MAN1A1: variants seen among roughly 807,000 people sequenced by gnomAD.
The protein encoded by MAN1A1 is mannosidase alpha class 1A member 1.
In MAN1A1, 29 loss-of-function variants were observed where a neutral mutation model predicts 70.8. That is an observed-to-expected ratio of 0.41 (90% CI 0.31 to 0.56). The LOEUF (loss-of-function observed/expected upper bound fraction) is 0.56. MAN1A1 is among the 20% of genes least tolerant of loss of function. The probability of loss-of-function intolerance (pLI) is 0.29; values close to 1 mark genes in which losing one functional copy is unlikely to be tolerated. For synonymous variants in MAN1A1, 349 were observed against 330.1 expected (o/e 1.06, Z -0.62); for missense variants, 747 against 841.3 (o/e 0.89, Z 1.39).
chr6:119,341,844 G>C (rs543571021), intron 2 of MAN1A1, among the ~76,000 whole-genome samples: 27 of 152,276 alleles, frequency 1.8e-4, no homozygotes, highest in African/African-American at 4.8e-4. Flanking sequence ...GCCAAGGCAT[G>C]GTGGCTCACA....
chr6:119,302,029 C>T lies in MAN1A1; in HGVS notation c.775G>A (p.Glu259Lys), dbSNP rs915196639. The change falls in exon 4 of 13, where the codon GAA (glutamate) becomes AAA (lysine). Residue 259 changes from glutamate (E) to lysine (K), a missense_variant. Physicochemically the swap from Glu to Lys is moderately conservative, Grantham distance 56. This residue lies in a region of MAN1A1 where 419 missense variants were observed against 548.2 expected (regional missense o/e 0.76). Coordinates refer to ENST00000368468, the MANE Select transcript of MAN1A1 (RefSeq NM_005907.4). The stretch of plus-strand genomic sequence containing the variant: ...TTTTCTTCAACCCATGATTTTGCTT[C>T]TTCAAATTCATGTTTCATTTCCATA... ...FIMEMKHEFE[E>K]AKSWVEENLD... 39 of 1,608,866 alleles carry T rather than the reference C, an allele frequency of 2.4e-5. No homozygotes were observed. The highest frequency in any genetic ancestry group is 3.1e-5 in the Non-Finnish European group (37 of 1,176,212).
At chr6:119,203,727 C>T (rs1773780194) in intron 7 of MAN1A1, among the ~76,000 whole-genome samples, 1 of 151,974 alleles carries the variant, frequency 6.6e-6, no homozygotes, top group Non-Finnish European at 1.5e-5. Context: ...ATGTCATTTA[C>T]CAAGATAGCA....
chr6:119,331,389 G>T (rs1023604225), intron 2 of MAN1A1, among the ~76,000 whole-genome samples: 2 of 151,596 alleles, frequency 1.3e-5, no homozygotes, highest in African/African-American at 4.8e-5. Context: ...TAAACTTTAG[G>T]AGTCATAGTT....
chr6:119,284,424 G>A (rs1776305765), intron 5 of MAN1A1, among the ~76,000 whole-genome samples: 1 of 152,096 alleles, frequency 6.6e-6, no homozygotes, highest in Admixed American at 6.5e-5. Flanking sequence ...TGAAAAACAT[G>A]GTTCTTACTG....
chr6:119,247,159 ATAAT>A (rs1775189364), intron 6 of MAN1A1, among the ~76,000 whole-genome samples: 1 of 152,236 alleles, frequency 6.6e-6, no homozygotes. Flanking sequence ...ACTAAAATAA[ATAAT>A]TAGGAAGAAA....
intron 2 of MAN1A1, among the ~76,000 whole-genome samples, chr6:119,310,061 T>C (rs963532254): frequency 1.3e-5 from 2 of 152,220 alleles, no homozygotes; most frequent in African/African-American, 2.4e-5. Context: ...ACTCAGTAAA[T>C]GTTTGTGAAT....
At chr6:119,248,190 TGTA>T in intron 6 of MAN1A1, 67 bp downstream of exon 6, 1 of 1,003,582 alleles carries the variant, frequency 1.0e-6, no homozygotes, top group Non-Finnish European at 1.6e-6. Flanking sequence ...ATCTATCTAA[TGTA>T]TACTTATTAG....
At chr6:119,249,888 A>G (rs1436648665) in intron 5 of MAN1A1, among the ~76,000 whole-genome samples, 1 of 152,224 alleles carries the variant, frequency 6.6e-6, no homozygotes, top group Non-Finnish European at 1.5e-5. Flanking sequence ...TAGTAGTGGA[A>G]GTCAATAAAG....
At chr6:119,203,063 G>A (rs564398031) in intron 7 of MAN1A1, among the ~76,000 whole-genome samples, 23 of 152,106 alleles carry the variant, frequency 1.5e-4, no homozygotes, top group Non-Finnish European at 2.8e-4. Flanking sequence ...GACAGTTCTC[G>A]TCATCTACAA....
chr6:119,222,780 A>G (rs1774399811), intron 6 of MAN1A1, among the ~76,000 whole-genome samples: 2 of 152,228 alleles, frequency 1.3e-5, no homozygotes, highest in Non-Finnish European at 2.9e-5. Flanking sequence ...ATCACAGCTG[A>G]AATCCTGGGC....
intron 5 of MAN1A1, 87 bp downstream of exon 5, chr6:119,290,595 TA>T: frequency 1.2e-6 from 1 of 859,832 alleles, no homozygotes; most frequent in Non-Finnish European, 1.9e-6. Context: ...AGATTCCTTC[TA>T]AATATATGTC....
rs900731297 is a variant in MAN1A1 at position 119,308,152 on chromosome 6, A to G, written c.604-1160T>C. Among the ~76,000 whole-genome samples the G allele has an allele frequency of 4.6e-5, 7 of 152,308 alleles. No individual in the cohort carries two copies. In the East Asian group the frequency reaches 1.3e-3, roughly 29 times the overall value. On this transcript the variant is annotated intron_variant, in intron 2 of 12. Transcript: ENST00000368468. ...TATTACCATTGTTAGGGAGATGAAG[A>G]AACTGAGGTTTGGAAGTTAAAAAAC...
chr6:119,256,427 T>TC (rs34974635), intron 5 of MAN1A1, among the ~76,000 whole-genome samples: 1 of 151,658 alleles, frequency 6.6e-6, no homozygotes, highest in Non-Finnish European at 1.5e-5. Flanking sequence ...TTTTTTTTTT[T>TC]CATGAGAGAG....
chr6:119,234,808 T>TA (rs368706802), intron 6 of MAN1A1, among the ~76,000 whole-genome samples: 1 of 152,346 alleles, frequency 6.6e-6, no homozygotes, highest in African/African-American at 2.4e-5. Context: ...ACTTCACAGA[T>TA]ACTGTGTTTT....
chr6:119,253,176 G>T (rs546306986), intron 5 of MAN1A1, among the ~76,000 whole-genome samples: 1 of 152,120 alleles, frequency 6.6e-6, no homozygotes, highest in South Asian at 2.1e-4. Context: ...TGGATGGACC[G>T]AGAAGAACCT....
intron 6 of MAN1A1, among the ~76,000 whole-genome samples, chr6:119,227,225 G>A (rs904110463): frequency 9.8e-5 from 15 of 152,286 alleles, no homozygotes; most frequent in African/African-American, 3.6e-4. Context: ...CAAAACTAAT[G>A]TATACTGACA....
intron 2 of MAN1A1, among the ~76,000 whole-genome samples, chr6:119,331,545 C>T (rs1199211540): frequency 1.4e-5 from 2 of 139,048 alleles, no homozygotes; most frequent in Non-Finnish European, 3.1e-5. Context: ...ATTATATACA[C>T]GCACATAACC....
chr6:119,325,785 A>G lies in MAN1A1; in HGVS notation c.604-18793T>C, dbSNP rs2114483720. Among the ~76,000 whole-genome samples the G allele has an allele frequency of 1.3e-5, 2 of 152,358 alleles. 1 individual carries two copies. Among genetic ancestry groups the G allele is most frequent in the African/African-American group, 4.8e-5 (2 of 41,594 alleles). ...TGTCAAAGGCTTCAACAAAAGTCCT[A>G]AGAAAAAAATGGAATATTCTTCCTA... On this transcript the variant is annotated intron_variant, in intron 2 of 12. Coordinates refer to ENST00000368468, the MANE Select transcript of MAN1A1 (RefSeq NM_005907.4).
At chr6:119,201,906 A>G (rs989628654) in intron 7 of MAN1A1, among the ~76,000 whole-genome samples, 5 of 152,316 alleles carry the variant, frequency 3.3e-5, no homozygotes, top group Admixed American at 6.5e-5. Flanking sequence ...GGCACTTTGT[A>G]TAGGGCATTT....
Sources: gnomAD v4.1 joint callset for allele counts (sites outside exome capture counted in the v4.1 genomes callset) on GRCh38, gnomAD v4.1.1 for gene constraint, gnomAD v4.1.1 regional missense constraint, MANE v1.5 for transcripts, NCBI Gene and HGNC (gene_info 2026-07-23, HGNC 2026-07-21) for gene names.